MTUS1: variants seen among roughly 807,000 people sequenced by gnomAD.
The protein encoded by MTUS1 is microtubule associated scaffold protein 1.
Under a neutral mutation model 120.8 loss-of-function variants are expected in MTUS1, and 109 were observed. The ratio of observed to expected loss-of-function variants is 0.90; its 90% CI spans 0.77 to 1.06. MTUS1 has a LOEUF of 1.06. Ranked by LOEUF, MTUS1 falls within the 50% of genes least tolerant of loss-of-function variation. The pLI, the probability that MTUS1 is intolerant of heterozygous loss-of-function variation, is 0.00. For synonymous variants in MTUS1, 737 were observed against 550.5 expected (o/e 1.34, Z -4.74); for missense variants, 2,210 against 1,486.3 (o/e 1.49, Z -8.01).
At chr8:17,756,587 T>C (rs13266353) in intron 1 of MTUS1, among the ~76,000 whole-genome samples, 117,986 of 148,904 alleles carry the variant, frequency 0.79, 47,039 homozygotes, top group South Asian at 0.87. Context: ...TGGTACCCTG[T>C]TGGAAGTCCC....
chr8:17,652,874 TTA>T (rs1807334016), intron 12 of MTUS1, among the ~76,000 whole-genome samples: 1 of 151,844 alleles, frequency 6.6e-6, no homozygotes. Context: ...GTAGTTTGTT[TTA>T]TCTCAATACA....
At chr8:17,724,951 T>C (rs947201235) in intron 3 of MTUS1, among the ~76,000 whole-genome samples, 4 of 152,206 alleles carry the variant, frequency 2.6e-5, no homozygotes, top group Non-Finnish European at 4.4e-5. Context: ...TTTAAAAATC[T>C]TGCTTTGTTG....
At chr8:17,773,912 G>A (rs2050200743) in intron 1 of MTUS1, among the ~76,000 whole-genome samples, 1 of 151,990 alleles carries the variant, frequency 6.6e-6, no homozygotes, top group African/African-American at 2.4e-5. Context: ...TGGAAGCCAG[G>A]GCCCACAGCA....
At chr8:17,651,694 A>C (rs1012059821) in intron 12 of MTUS1, 1 of 152,152 alleles carries the variant, frequency 6.6e-6, no homozygotes, top group African/African-American at 2.4e-5. Context: ...CCCGGACTAC[A>C]GTCAGACGCA....
At chr8:17,713,142 C>T (rs1262128275) in intron 6 of MTUS1, 72 bp downstream of exon 6, 1 of 1,226,304 alleles carries the variant, frequency 8.2e-7, no homozygotes, top group East Asian at 2.3e-5. Context: ...TAAAAAATCA[C>T]TGTAAATACT....
chr8:17,799,017 A>AT (rs34607430), intron 1 of MTUS1, among the ~76,000 whole-genome samples: 99,743 of 149,354 alleles, frequency 0.67, 35,414 homozygotes, highest in Non-Finnish European at 0.81. Flanking sequence ...CCTGGGAAGA[A>AT]TTTTTTTTTT....
intron 6 of MTUS1, among the ~76,000 whole-genome samples, chr8:17,710,118 T>G (rs932760491): frequency 6.6e-6 from 1 of 152,176 alleles, no homozygotes; most frequent in Non-Finnish European, 1.5e-5. Context: ...CTTGCCTCAA[T>G]GTTGGTGGCT....
intron 8 of MTUS1, among the ~76,000 whole-genome samples, chr8:17,657,659 T>TAA (rs60180794): frequency 0.057 from 7,754 of 136,172 alleles, 609 homozygotes; most frequent in African/African-American, 0.18. Flanking sequence ...CTCTTAAAAT[T>TAA]AAAAAAAAAA....
intron 1 of MTUS1, among the ~76,000 whole-genome samples, chr8:17,781,722 T>G (rs1258228529): frequency 6.6e-6 from 1 of 152,182 alleles, no homozygotes; most frequent in Non-Finnish European, 1.5e-5. Context: ...ACCCCTTTCC[T>G]GCTCGACGGC....
Position 17,753,839 on chromosome 8 carries a change from G to C in MTUS1, c.1969C>G (p.Pro657Ala), listed in dbSNP as rs759056941. 6.2e-7 allele frequency: 1 copy of C among 1,614,030 alleles called. No individual in the cohort carries two copies. Among genetic ancestry groups the C allele is most frequent in the South Asian group, 1.1e-5 (1 of 91,072 alleles). The change falls in exon 2 of 15, where the codon CCC becomes GCC. Residue 657 changes from proline to alanine, a missense_variant. Coordinates refer to ENST00000693296, the MANE Select transcript of MTUS1 (RefSeq NM_001363059.2). ...TCAGGGCTAATCCTATCAATGTTGGGAACATAGGTCATTTCCAAACATTCT... is the reference window on the plus strand; with the variant it reads ...TCAGGGCTAATCCTATCAATGTTGGCAACATAGGTCATTTCCAAACATTCT... ...SAECLEMTYV[P>A]NIDRISPEKK...
intron 3 of MTUS1, among the ~76,000 whole-genome samples, chr8:17,733,931 C>T (rs984243611): frequency 3.3e-5 from 5 of 152,202 alleles, no homozygotes; most frequent in African/African-American, 9.6e-5. Flanking sequence ...CAACATTAAA[C>T]CAAGCCTGGC....
At chr8:17,756,671 A>ACCACCCCCCC (rs1554526123) in intron 1 of MTUS1, among the ~76,000 whole-genome samples, 1 of 117,484 alleles carries the variant, frequency 8.5e-6, no homozygotes, top group Non-Finnish European at 1.7e-5. Flanking sequence ...TCAAGCCCAA[A>ACCACCCCCCC]CCCCCACCCC....
rs189610644 is a variant in MTUS1, at chr8:17,712,077, T to C, written c.2623+1137A>G. ...ATAATAATAATGAAAAAGCTTGAAA[T>C]AGTGTGAGAATTACCAAAATGTAAC... On this transcript the variant is annotated intron_variant, in intron 6 of 14. Transcript: ENST00000693296. 7.9e-5 allele frequency among the ~76,000 whole-genome samples: 12 copies of C among 152,226 alleles called. No individual in the cohort carries two copies. In the East Asian group the frequency reaches 1.7e-3, roughly 22 times the overall value.
chr8:17,785,881 ATGCCTGTAATCAC>A (rs1311436797), intron 1 of MTUS1, among the ~76,000 whole-genome samples: 1 of 152,226 alleles, frequency 6.6e-6, no homozygotes, highest in African/African-American at 2.4e-5. Flanking sequence ...ACCATGGGTC[ATGCCTGTAATCAC>A]GGCACTTTGG....
Position 17,741,881 on chromosome 8 carries a change from T to C in MTUS1, c.2287+1723A>G, listed in dbSNP as rs77075096. Among the ~76,000 whole-genome samples, 924 of 152,264 alleles carry C rather than the reference T, an allele frequency of 6.1e-3. 5 individuals carry two copies. Among genetic ancestry groups the C allele is most frequent in the African/African-American group, 0.018 (737 of 41,530 alleles). On this transcript the variant is annotated intron_variant, in intron 3 of 14. Transcript: ENST00000693296. ...TTCTCAGACACTTACACTTTCAAGA[T>C]GTGAAGATGAAGCCCAGGGAGAGTA...
intron 1 of MTUS1, among the ~76,000 whole-genome samples, chr8:17,759,845 TAAAG>T (rs917098117): frequency 2.0e-5 from 3 of 151,532 alleles, no homozygotes; most frequent in Non-Finnish European, 2.9e-5. Flanking sequence ...AACAGAAAAA[TAAAG>T]AAGCCATCAA....
chr8:17,764,585 C>A lies in MTUS1; in HGVS notation c.-154-8624G>T, dbSNP rs151267651. On this transcript the variant is annotated intron_variant, in intron 1 of 14. Coordinates refer to ENST00000693296, the MANE Select transcript of MTUS1 (RefSeq NM_001363059.2). ...TTCACACGTTAATCTAGTCCAAGGG[C>A]TGGCAAGCCATTTCTGAAAAAGGCC... 5.3e-4 allele frequency among the ~76,000 whole-genome samples: 81 copies of A among 152,288 alleles called. 1 individual carries two copies. The East Asian group carries it at 0.015, about 28-fold the overall frequency.
intron 8 of MTUS1, 56 bp downstream of exon 8, chr8:17,675,130 T>C: frequency 6.2e-7 from 1 of 1,608,380 alleles, no homozygotes; most frequent in Non-Finnish European, 8.5e-7. Flanking sequence ...ACAACCACAT[T>C]TTCCAGTGTT....
intron 6 of MTUS1, among the ~76,000 whole-genome samples, chr8:17,698,169 C>T (rs1166094921): frequency 6.6e-6 from 1 of 152,128 alleles, no homozygotes; most frequent in Non-Finnish European, 1.5e-5. Context: ...GATGTAATAT[C>T]AGAGTTCCAG....
Sources: allele counts gnomAD v4.1 joint callset (sites outside exome capture counted in the v4.1 genomes callset), GRCh38; gene constraint gnomAD v4.1.1; transcripts MANE v1.5; gene names NCBI Gene and HGNC (gene_info 2026-07-23, HGNC 2026-07-21).